CTNND2: variants seen among roughly 807,000 people sequenced by gnomAD.
CTNND2 encodes catenin delta-2.
CTNND2 carries 22 observed loss-of-function variants against 144.4 expected under a neutral mutation model. The observed-to-expected ratio is 0.15, with a 90% CI of 0.11 to 0.22. The LOEUF (loss-of-function observed/expected upper bound fraction) is 0.22, where lower values mean the gene tolerates loss of function less well. Among genes scored for constraint, CTNND2 ranks in the 10% least tolerant of loss-of-function variants. CTNND2 has a pLI of 1.00. For synonymous variants in CTNND2, 751 were observed against 695.6 expected, an observed-to-expected ratio of 1.08 and a Z score of -1.25; for missense variants, 1,353 against 1,618.8, an observed-to-expected ratio of 0.84 and a Z score of 2.82.
chr5:11,895,744 AT>A (rs1737342392), intron 1 of CTNND2, among the ~76,000 whole-genome samples: 1 of 152,228 alleles, frequency 6.6e-6, no homozygotes, highest in Non-Finnish European at 1.5e-5. Flanking sequence ...GACAAACAAT[AT>A]AAATCAATTT....
intron 10 of CTNND2, among the ~76,000 whole-genome samples, chr5:11,224,513 T>G (rs1740122490): frequency 6.6e-6 from 1 of 152,194 alleles, no homozygotes; most frequent in Non-Finnish European, 1.5e-5. Context: ...ATGACAAGAT[T>G]CCATATCTTT....
chr5:11,425,290 T>G (rs919650455), intron 3 of CTNND2, among the ~76,000 whole-genome samples: 3 of 152,358 alleles, frequency 2.0e-5, no homozygotes, highest in Non-Finnish European at 4.4e-5. Context: ...GGGTAGCTAC[T>G]GCAGTGCCAA....
chr5:11,507,094 C>T lies in CTNND2; in HGVS notation c.287+57850G>A, dbSNP rs534500616. Among the ~76,000 whole-genome samples, 20 of 152,266 alleles carry T rather than the reference C, an allele frequency of 1.3e-4. No homozygotes were observed. The East Asian group carries it at 2.9e-3, about 22-fold the overall frequency. On this transcript the variant is annotated intron_variant, in intron 3 of 21. Coordinates refer to ENST00000304623, the MANE Select transcript of CTNND2 (RefSeq NM_001332.4). Reference sequence around the variant, plus strand: ...AGACCTCATCACCTTTCGCAGGGACCACTGTAATAGGCTCGTACCTGGGAC... The same window carrying T: ...AGACCTCATCACCTTTCGCAGGGACTACTGTAATAGGCTCGTACCTGGGAC...
intron 9 of CTNND2, among the ~76,000 whole-genome samples, chr5:11,292,188 T>C (rs994958166): frequency 4.6e-5 from 7 of 152,196 alleles, no homozygotes; most frequent in African/African-American, 1.7e-4. Flanking sequence ...ATCTACTAAA[T>C]TATGAGTTGT....
intron 2 of CTNND2, among the ~76,000 whole-genome samples, chr5:11,661,565 C>T (rs935304150): frequency 6.6e-6 from 1 of 152,116 alleles, no homozygotes; most frequent in Admixed American, 6.6e-5. Flanking sequence ...GTCTAGCACT[C>T]TTCCCAAACC....
At chr5:11,167,664 T>C (rs1321300310) in intron 11 of CTNND2, among the ~76,000 whole-genome samples, 2 of 152,016 alleles carry the variant, frequency 1.3e-5, no homozygotes, top group Admixed American at 6.6e-5. Flanking sequence ...ATGATAAACA[T>C]TTAGATGGCA....
chr5:11,284,477 T>C (rs1747517629), intron 9 of CTNND2, among the ~76,000 whole-genome samples: 1 of 152,142 alleles, frequency 6.6e-6, no homozygotes, highest in African/African-American at 2.4e-5. Context: ...TGTGTTCTCA[T>C]TGTTCAGTTC....
chr5:11,432,193 GA>G (rs1175583796), intron 3 of CTNND2, among the ~76,000 whole-genome samples: 6 of 142,908 alleles, frequency 4.2e-5, no homozygotes, highest in African/African-American at 1.3e-4. Flanking sequence ...GTTTGAAATG[GA>G]AATGATATAC....
intron 1 of CTNND2, among the ~76,000 whole-genome samples, chr5:11,886,240 GATAA>G (rs1161094532): frequency 1.4e-5 from 2 of 143,268 alleles, no homozygotes; most frequent in South Asian, 2.2e-4. Context: ...ATTTTCAAAA[GATAA>G]ATAAAATGAC....
At chr5:11,406,906 T>C (rs1458857421) in intron 5 of CTNND2, among the ~76,000 whole-genome samples, 1 of 152,142 alleles carries the variant, frequency 6.6e-6, no homozygotes, top group East Asian at 1.9e-4. Flanking sequence ...TTCTAAAATA[T>C]GACAGAATTT....
intron 1 of CTNND2, among the ~76,000 whole-genome samples, chr5:11,768,909 T>C (rs1789754687): frequency 1.3e-5 from 2 of 152,194 alleles, no homozygotes; most frequent in Admixed American, 1.3e-4. Flanking sequence ...CAGACTTTTA[T>C]TTCTGTAGGT....
chr5:11,352,061 T>C (rs571864661), intron 8 of CTNND2, among the ~76,000 whole-genome samples: 1 of 152,316 alleles, frequency 6.6e-6, no homozygotes, highest in African/African-American at 2.4e-5. Context: ...AGTTGATCCA[T>C]CTAAATTCAA....
chr5:11,401,685 G>A (rs1189282064), intron 5 of CTNND2, among the ~76,000 whole-genome samples: 2 of 152,152 alleles, frequency 1.3e-5, no homozygotes, highest in Non-Finnish European at 2.9e-5. Context: ...ACATCTAAGC[G>A]AGGAAGGTAC....
intron 2 of CTNND2, among the ~76,000 whole-genome samples, chr5:11,634,979 T>C (rs1781605630): frequency 6.6e-6 from 1 of 151,884 alleles, no homozygotes; most frequent in East Asian, 1.9e-4. Context: ...AGGCAATAGG[T>C]TGAAAGATCA....
At position 11,346,468 on chromosome 5, in the gene CTNND2, G is replaced by A. The variant is rs1225022374; in HGVS notation, c.1532C>T (p.Ser511Phe). 1 of 1,598,194 alleles carries A rather than the reference G, an allele frequency of 6.3e-7. No individual in the cohort carries two copies. The change falls in exon 9 of 22, where the codon TCT (serine) becomes TTT (phenylalanine). Residue 511 changes from serine to phenylalanine, a missense_variant. Ser to Phe is a radical substitution (Grantham distance 155). Coordinates refer to ENST00000304623, the MANE Select transcript of CTNND2 (RefSeq NM_001332.4). The part of the protein sequence containing the change: ...DPYRQLQYCP[S>F]VESPYSKSGP... ...GGATTTGCTGTATGGAGACTCAACA[G>A]AGGGACAATACTGCAGCTGTCGGTA...
chr5:11,051,983 A>G (rs550995186), intron 16 of CTNND2, among the ~76,000 whole-genome samples: 3 of 152,326 alleles, frequency 2.0e-5, no homozygotes, highest in African/African-American at 7.2e-5. Flanking sequence ...CAGCACTTAA[A>G]GCATGCACGG....
intron 1 of CTNND2, among the ~76,000 whole-genome samples, chr5:11,848,495 T>C (rs76575266): frequency 0.015 from 2,359 of 152,266 alleles, 66 homozygotes; most frequent in African/African-American, 0.054. Flanking sequence ...TGGGACTGAC[T>C]GGTAATGGTG....
chr5:11,698,279 C>T (rs1035990613), intron 2 of CTNND2, among the ~76,000 whole-genome samples: 5 of 149,272 alleles, frequency 3.3e-5, no homozygotes, highest in Non-Finnish European at 4.4e-5. Context: ...ATTAAAGCAA[C>T]ACATTATTAT....
At chr5:11,868,875 C>A (rs1299571321) in intron 1 of CTNND2, among the ~76,000 whole-genome samples, 1 of 152,096 alleles carries the variant, frequency 6.6e-6, no homozygotes, top group Non-Finnish European at 1.5e-5. Flanking sequence ...GACTTCTCAG[C>A]CTCAATAAAT....
Sources: gnomAD v4.1 joint callset for allele counts (sites outside exome capture counted in the v4.1 genomes callset) on GRCh38, gnomAD v4.1.1 for gene constraint, MANE v1.5 for transcripts, NCBI Gene and HGNC (gene_info 2026-07-23, HGNC 2026-07-21) for gene names.